Variants in PDE10A observed in about 807,000 individuals in gnomAD.
PDE10A encodes the protein phosphodiesterase 10A.
Under a neutral mutation model 97.7 loss-of-function variants are expected in PDE10A, and 39 were observed. The ratio of observed to expected loss-of-function variants is 0.40; its 90% CI spans 0.31 to 0.52. The LOEUF (loss-of-function observed/expected upper bound fraction) is 0.52. Among genes scored for constraint, PDE10A ranks in the 20% least tolerant of loss-of-function variants. The pLI, the probability that PDE10A is intolerant of heterozygous loss-of-function variation, is 0.56. For missense variants in PDE10A, 731 were observed against 1,047.8 expected, an observed-to-expected ratio of 0.70 and a Z score of 4.17; for synonymous variants, 371 against 376.8, an observed-to-expected ratio of 0.98 and a Z score of 0.18.
intron 1 of PDE10A, among the ~76,000 whole-genome samples, chr6:165,574,972 C>T (rs1222526612): frequency 6.6e-6 from 1 of 152,174 alleles, no homozygotes; most frequent in Non-Finnish European, 1.5e-5. Context: ...TGACAAAATT[C>T]CCCTCTCTGA....
At chr6:165,965,970 C>T (rs1348943399) in intron 1 of PDE10A, among the ~76,000 whole-genome samples, 3 of 152,214 alleles carry the variant, frequency 2.0e-5, no homozygotes, top group African/African-American at 7.2e-5. Context: ...AACTGTGGAT[C>T]CTGTTCCATT....
At position 165,439,045 on chromosome 6, in the gene PDE10A, G is replaced by A. The variant is rs1017949497; in HGVS notation, c.1195-3668C>T. Among the ~76,000 whole-genome samples the A allele has an allele frequency of 4.6e-5, 7 of 151,052 alleles. No homozygotes were observed. The East Asian group carries it at 5.8e-4, about 13-fold the overall frequency. ...CATTAATCATTAATAAATGATTAAC[G>A]TAAATAAGTTCTAAAGACATTTACA... is the stretch of plus-strand genomic sequence containing the variant. On this transcript the variant is annotated intron_variant, in intron 5 of 21. Transcript: ENST00000539869.
At chr6:165,818,240 C>T (rs1424691782) in intron 1 of PDE10A, among the ~76,000 whole-genome samples, 1 of 152,208 alleles carries the variant, frequency 6.6e-6, no homozygotes, top group Non-Finnish European at 1.5e-5. Flanking sequence ...CCTTTCCCCA[C>T]TGACTCCCTT....
At chr6:165,533,219 G>C (rs1027034472) in intron 2 of PDE10A, among the ~76,000 whole-genome samples, 4 of 152,152 alleles carry the variant, frequency 2.6e-5, no homozygotes, top group African/African-American at 9.7e-5. Context: ...TGATGTTCTT[G>C]AGAGAAGCAA....
chr6:165,631,302 T>TAC (rs1394344181), intron 1 of PDE10A, among the ~76,000 whole-genome samples: 1 of 152,344 alleles, frequency 6.6e-6, no homozygotes, highest in East Asian at 1.9e-4. Flanking sequence ...AGAATTGTTA[T>TAC]ACACACACGT....
intron 1 of PDE10A, among the ~76,000 whole-genome samples, chr6:165,670,075 A>G (rs1335432074): frequency 1.3e-5 from 2 of 151,932 alleles, no homozygotes; most frequent in African/African-American, 4.9e-5. Context: ...ACCACCTGGC[A>G]GGGAGCAGAA....
chr6:165,494,146 A>AT (rs1562519203), intron 2 of PDE10A, among the ~76,000 whole-genome samples: 1 of 152,174 alleles, frequency 6.6e-6, no homozygotes, highest in African/African-American at 2.4e-5. Flanking sequence ...AAGAATGGCC[A>AT]TAACAAAAAA....
At chr6:165,735,262 G>A (rs911911401) in intron 1 of PDE10A, among the ~76,000 whole-genome samples, 1 of 151,872 alleles carries the variant, frequency 6.6e-6, no homozygotes, top group Non-Finnish European at 1.5e-5. Flanking sequence ...TAGGAAGATA[G>A]GTAGATAGTA....
At chr6:165,619,576 A>T (rs1328987177) in intron 1 of PDE10A, among the ~76,000 whole-genome samples, 2 of 148,616 alleles carry the variant, frequency 1.3e-5, no homozygotes, top group African/African-American at 5.2e-5. Context: ...ACTGTAGTCT[A>T]GCGTAGTGTA....
intron 13 of PDE10A, among the ~76,000 whole-genome samples, chr6:165,412,335 C>G (rs1787926435): frequency 6.6e-6 from 1 of 152,034 alleles, no homozygotes; most frequent in Non-Finnish European, 1.5e-5. Context: ...ATGTATCAAG[C>G]TTCTATGATA....
At chr6:165,588,292 T>C (rs1297923882) in intron 1 of PDE10A, among the ~76,000 whole-genome samples, 3 of 146,602 alleles carry the variant, frequency 2.0e-5, no homozygotes, top group South Asian at 2.2e-4. Flanking sequence ...TTTTTTTTTT[T>C]TTTTTTTTTT....
rs1044618155 is a variant in PDE10A at position 165,618,829 on chromosome 6, G to C, written c.865+43118C>G. Among the ~76,000 whole-genome samples, 3 of 152,348 alleles carry C rather than the reference G, an allele frequency of 2.0e-5. No homozygotes were observed. In the South Asian group the frequency reaches 6.2e-4, roughly 32 times the overall value. On this transcript the variant is annotated intron_variant, in intron 1 of 21. Coordinates refer to ENST00000539869, the MANE Select transcript of PDE10A (RefSeq NM_001385079.1). ...CAATGAAATGTGAGCGATGAAATGTGTTGAGAGAGCGCATTAAATGAATGT... is the reference window on the plus strand; with the variant it reads ...CAATGAAATGTGAGCGATGAAATGTCTTGAGAGAGCGCATTAAATGAATGT...
chr6:165,664,954 G>A (rs574634796), upstream of PDE10A, among the ~76,000 whole-genome samples: 10 of 152,270 alleles, frequency 6.6e-5, no homozygotes, highest in East Asian at 1.7e-3. Flanking sequence ...AGACAGGGTG[G>A]GAAACCCCAA....
At chr6:165,682,392 C>T (rs1791000864) in intron 1 of PDE10A, among the ~76,000 whole-genome samples, 1 of 152,136 alleles carries the variant, frequency 6.6e-6, no homozygotes, top group Admixed American at 6.5e-5. Context: ...CCTCAGCTTC[C>T]CAAAGTGCTG....
At chr6:165,367,243 G>A (rs200758910) in intron 18 of PDE10A, among the ~76,000 whole-genome samples, 102 of 32,210 alleles carry the variant, frequency 3.2e-3, no homozygotes, top group Middle Eastern at 0.02. Context: ...ACACACATAT[G>A]TGTGTGTGTG....
intron 1 of PDE10A, among the ~76,000 whole-genome samples, chr6:165,628,206 C>T (rs1487603362): frequency 6.6e-6 from 1 of 152,200 alleles, no homozygotes; most frequent in Admixed American, 6.5e-5. Context: ...ATTTCTCTGA[C>T]ATGTATTTTC....
chr6:165,706,091 G>A (rs138330894), intron 1 of PDE10A, among the ~76,000 whole-genome samples: 1 of 152,308 alleles, frequency 6.6e-6, no homozygotes, highest in East Asian at 1.9e-4. Flanking sequence ...ACATGCAGAG[G>A]GAGTGCTGAC....
chr6:165,800,458 G>T (rs1003108218), intron 1 of PDE10A, among the ~76,000 whole-genome samples: 1 of 152,216 alleles, frequency 6.6e-6, no homozygotes, highest in Non-Finnish European at 1.5e-5. Flanking sequence ...GGCCAGCTTT[G>T]CAGAGGTGTG....
At chr6:165,952,008 A>G (rs780420853) in intron 1 of PDE10A, among the ~76,000 whole-genome samples, 9 of 152,346 alleles carry the variant, frequency 5.9e-5, no homozygotes, top group Admixed American at 2.6e-4. Context: ...GTACTTTCCA[A>G]CATGTGCATC....
Sources: allele counts gnomAD v4.1 joint callset (sites outside exome capture counted in the v4.1 genomes callset), GRCh38; gene constraint gnomAD v4.1.1; transcripts MANE v1.5; gene names NCBI Gene and HGNC (gene_info 2026-07-23, HGNC 2026-07-21).